GLRA2: variants seen among roughly 807,000 people sequenced by gnomAD.
GLRA2 encodes the protein glycine receptor alpha 2, also known as glycine receptor subunit alpha-2.
In GLRA2, 11 loss-of-function variants were observed where a neutral mutation model predicts 31.6. That is an observed-to-expected ratio of 0.35 (90% CI 0.22 to 0.58). GLRA2 has a LOEUF of 0.58. Ranked by LOEUF, GLRA2 falls within the 20% of genes least tolerant of loss-of-function variation. The pLI is 0.84. For missense variants in GLRA2, 212 were observed against 351.8 expected, an observed-to-expected ratio of 0.60 and a Z score of 3.18; for synonymous variants, 132 against 134.0, an observed-to-expected ratio of 0.99 and a Z score of 0.10.
chrX:14,455,986 A>G, the GLRA2 span, among the ~76,000 whole-genome samples: 1 of 111,349 alleles, frequency 9.0e-6, no homozygotes, highest in Middle Eastern at 4.2e-3. Flanking sequence ...GAGTTAGGTT[A>G]GTCTCTCAGA....
intron 4 of GLRA2, among the ~76,000 whole-genome samples, chrX:14,593,271 G>T (rs1033083242): frequency 2.6e-5 from 2 of 75,904 alleles, no homozygotes; most frequent in Non-Finnish European, 7.3e-5. Context: ...CTCGCTTGTG[G>T]TGTTTAAAAT....
intron 2 of GLRA2, among the ~76,000 whole-genome samples, chrX:14,539,136 A>G (rs1446806025): frequency 9.0e-6 from 1 of 111,199 alleles, no homozygotes; most frequent in African/African-American, 3.3e-5. Flanking sequence ...CAATGAATGG[A>G]CAGTATAATG....
At chrX:14,583,610 G>A (rs763756663) in intron 4 of GLRA2, among the ~76,000 whole-genome samples, 5 of 111,774 alleles carry the variant, frequency 4.5e-5, no homozygotes, top group Non-Finnish European at 9.4e-5. Flanking sequence ...ATGGTGGTAC[G>A]TGCCTGTAGT....
chrX:14,689,881 C>G (rs907503004), intron 7 of GLRA2, among the ~76,000 whole-genome samples: 2 of 111,688 alleles, frequency 1.8e-5, no homozygotes, highest in African/African-American at 3.2e-5. Flanking sequence ...CCATTGCAAG[C>G]AAAAAGTATT....
At chrX:14,524,384 G>A (rs893725759), upstream of GLRA2, among the ~76,000 whole-genome samples, 1 of 111,632 alleles carries the variant, frequency 9.0e-6, no homozygotes, top group African/African-American at 3.3e-5. Flanking sequence ...GTCTATTTGA[G>A]ACAAATCTCT....
At chrX:14,589,079 G>A (rs12390660) in intron 4 of GLRA2, among the ~76,000 whole-genome samples, 1,870 of 110,968 alleles carry the variant, frequency 0.017, 28 homozygotes, top group African/African-American at 0.053. Flanking sequence ...TCTTTCTCTT[G>A]CCTGATTGCT....
intron 2 of GLRA2, among the ~76,000 whole-genome samples, chrX:14,542,426 C>G (rs1245623828): frequency 9.0e-6 from 1 of 111,398 alleles, no homozygotes; most frequent in Non-Finnish European, 1.9e-5. Context: ...CAAGAGTGAT[C>G]TCTTTAAACC....
intron 8 of GLRA2, among the ~76,000 whole-genome samples, chrX:14,703,783 C>A (rs1482268882): frequency 9.0e-6 from 1 of 111,574 alleles, no homozygotes; most frequent in Non-Finnish European, 1.9e-5. Flanking sequence ...CTTCCTCAAC[C>A]CTTGGTAAGT....
intron 7 of GLRA2, among the ~76,000 whole-genome samples, chrX:14,685,425 G>A (rs1212866782): frequency 8.1e-5 from 9 of 111,463 alleles, no homozygotes; most frequent in African/African-American, 2.6e-4. Context: ...GGTAGAATTC[G>A]GCTGTGAATC....
rs759202145 is a variant in GLRA2 at position 14,607,313 on chromosome X, G to A, written c.715+45G>A. Reference sequence around the variant, plus strand: ...TTTTTCAGCTGTTAAACACAAGTGAGCGCCATTTGCAGTTTGGAGTATACA... The same window carrying A: ...TTTTTCAGCTGTTAAACACAAGTGAACGCCATTTGCAGTTTGGAGTATACA... On this transcript the variant is annotated intron_variant, in intron 6 of 8. Transcript: ENST00000218075. The A allele has an allele frequency of 1.3e-5, 13 of 1,029,256 alleles. No homozygotes were observed. In the South Asian group the frequency reaches 2.8e-4, roughly 22 times the overall value. 84.8% of individuals were successfully genotyped at this position (1,029,256 alleles called of 1,213,427 possible). A position where few individuals can be genotyped will look rare whatever the true frequency, so the allele number is the denominator to read the frequency against.
upstream of GLRA2, chrX:14,529,523 A>G (rs2089225468): frequency 8.8e-6 from 1 of 113,536 alleles, no homozygotes; most frequent in African/African-American, 3.3e-5. Context: ...AGGCTGGGTA[A>G]GATCACGTCT....
At chrX:14,725,527 A>G (rs975316107) in intron 8 of GLRA2, among the ~76,000 whole-genome samples, 2 of 112,090 alleles carry the variant, frequency 1.8e-5, no homozygotes, top group Non-Finnish European at 3.8e-5. Context: ...CTGGGTGAGA[A>G]ATGCGATGGA....
At chrX:14,713,951 C>T (rs2091749119) in intron 8 of GLRA2, among the ~76,000 whole-genome samples, 1 of 111,214 alleles carries the variant, frequency 9.0e-6, no homozygotes, top group Non-Finnish European at 1.9e-5. Flanking sequence ...GTCTAGAAGC[C>T]AGCAGACCAT....
At chrX:14,600,947 T>G (rs770469100) in intron 4 of GLRA2, among the ~76,000 whole-genome samples, 1 of 110,610 alleles carries the variant, frequency 9.0e-6, no homozygotes, top group Non-Finnish European at 1.9e-5. Context: ...AATTTTAAGC[T>G]CATGGATCCT....
the GLRA2 span, among the ~76,000 whole-genome samples, chrX:14,462,156 A>C: frequency 1.8e-5 from 2 of 111,937 alleles, no homozygotes; most frequent in Non-Finnish European, 3.8e-5. Flanking sequence ...TCTTTTCTTT[A>C]AGAATGTTGA....
At chrX:14,670,818 G>A (rs766040173) in intron 7 of GLRA2, among the ~76,000 whole-genome samples, 15 of 111,196 alleles carry the variant, frequency 1.3e-4, no homozygotes, top group Non-Finnish European at 2.1e-4. Flanking sequence ...TTGTACTTTC[G>A]TAATATCCAC....
Position 14,654,334 on chromosome X carries a change from TG to T in GLRA2, c.931-36375del, listed in dbSNP as rs771254609. ...TATTTTTAAATTAAGGTATGTACATTGTTTTTTAGACATAATGTTATTACAT... is the reference window on the plus strand; with the variant it reads ...TATTTTTAAATTAAGGTATGTACATTTTTTTTAGACATAATGTTATTACAT... On this transcript the variant is annotated intron_variant, in intron 7 of 8. Coordinates refer to ENST00000218075, the MANE Select transcript of GLRA2 (RefSeq NM_002063.4). 6.1e-3 allele frequency among the ~76,000 whole-genome samples: 683 copies of T among 112,024 alleles called. 3 individuals carry two copies. The highest frequency in any genetic ancestry group is 0.01 in the Non-Finnish European group (552 of 53,169).
the GLRA2 span, among the ~76,000 whole-genome samples, chrX:14,506,581 C>G: frequency 8.9e-6 from 1 of 112,076 alleles, no homozygotes; most frequent in African/African-American, 3.2e-5. Context: ...CCTCTTTTCT[C>G]CTTGCAAATA....
chrX:14,644,129 A>C (rs886653146), intron 7 of GLRA2, among the ~76,000 whole-genome samples: 2 of 111,655 alleles, frequency 1.8e-5, no homozygotes, highest in Non-Finnish European at 3.8e-5. Flanking sequence ...ATGTGCCACC[A>C]ATCTTGCTGG....
Sources: gnomAD v4.1 joint callset for allele counts (sites outside exome capture counted in the v4.1 genomes callset) on GRCh38, gnomAD v4.1.1 for gene constraint, MANE v1.5 for transcripts, NCBI Gene and HGNC (gene_info 2026-07-23, HGNC 2026-07-21) for gene names.